Variants in RFX8 observed in about 807,000 individuals in gnomAD.
RFX8 encodes regulatory factor X8.
Under a neutral mutation model 54.6 loss-of-function variants are expected in RFX8, and 46 were observed. The ratio of observed to expected loss-of-function variants is 0.84; its 90% CI spans 0.67 to 1.08. RFX8 has a LOEUF of 1.08. Among genes scored for constraint, RFX8 ranks in the 50% least tolerant of loss-of-function variants. The pLI is 0.00. For synonymous variants in RFX8, 192 were observed against 209.5 expected (o/e 0.92, Z 0.72); for missense variants, 536 against 562.3 (o/e 0.95, Z 0.47).
chr2:101,445,165 C>T (rs1273901976), intron 2 of RFX8, among the ~76,000 whole-genome samples: 1 of 152,172 alleles, frequency 6.6e-6, no homozygotes, highest in Non-Finnish European at 1.5e-5. Context: ...CCTCTGTGTT[C>T]AGGTTCCTCT....
intron 1 of RFX8, among the ~76,000 whole-genome samples, chr2:101,470,290 C>A (rs1257574170): frequency 6.6e-6 from 1 of 152,168 alleles, no homozygotes. Flanking sequence ...TGTCTACCAT[C>A]AAAATCTGGA....
In RFX8 at chr2:101,399,723, A is replaced by G. The variant is rs545225396; in HGVS notation, c.1246-1999T>C. ...TTAAACCTCATAATGTTCCTGTAGA[A>G]TTAGACATGAGTATCCCCATAAGTT... On this transcript the variant is annotated intron_variant, in intron 11 of 11. Transcript: ENST00000428343. 3.3e-5 allele frequency among the ~76,000 whole-genome samples: 5 copies of G among 152,326 alleles called. 1 individual carries two copies. Among genetic ancestry groups the G allele is most frequent in the African/African-American group, 9.6e-5 (4 of 41,570 alleles).
intron 4 of RFX8, 147 bp from the exon 5 acceptor site, chr2:101,419,111 A>C (rs1325365120): frequency 1.7e-6 from 1 of 599,404 alleles, no homozygotes; most frequent in African/African-American, 1.9e-5. Flanking sequence ...AGCTTTTCCA[A>C]GCTGTATTTT....
chr2:101,466,287 A>C (rs549840975), intron 2 of RFX8, among the ~76,000 whole-genome samples: 10 of 148,282 alleles, frequency 6.7e-5, no homozygotes, highest in Non-Finnish European at 1.5e-5. Context: ...AGCCTGGGCA[A>C]CAAGAGGGAA....
chr2:101,402,861 C>T (rs1450963762), intron 10 of RFX8, 109 bp from the exon 11 acceptor site: 5 of 992,296 alleles, frequency 5.0e-6, no homozygotes, highest in East Asian at 2.6e-5. Context: ...ACGTGAGCCT[C>T]GTTCCAATAG....
chr2:101,406,852 G>T (rs1164574033), intron 9 of RFX8, among the ~76,000 whole-genome samples: 1 of 152,148 alleles, frequency 6.6e-6, no homozygotes, highest in African/African-American at 2.4e-5. Context: ...AAAGCTGGTC[G>T]TCATGCTTGC....
chr2:101,410,993 A>T (rs1390276692), intron 8 of RFX8, among the ~76,000 whole-genome samples: 1 of 152,224 alleles, frequency 6.6e-6, no homozygotes, highest in East Asian at 1.9e-4. Context: ...CCTTGCAATT[A>T]TCCAGACCTT....
At position 101,425,664 on chromosome 2, in the gene RFX8, C is replaced by T. The variant is rs1573402175; in HGVS notation, c.73-3192G>A. Among the ~76,000 whole-genome samples, 5 of 152,274 alleles carry T rather than the reference C, an allele frequency of 3.3e-5. 1 individual carries two copies. The highest frequency in any genetic ancestry group is 3.3e-4 in the Admixed American group (5 of 15,298). On this transcript the variant is annotated intron_variant, in intron 2 of 11. Transcript: ENST00000428343. ...TCCCTGAGGTCTCTTCCTCCATAGA[C>T]ATTACTTATAGGCATAAACCTTTCA... is the stretch of plus-strand genomic sequence containing the variant.
intron 4 of RFX8, among the ~76,000 whole-genome samples, 200 bp from the exon 5 acceptor site, chr2:101,419,164 T>C (rs1189404732): frequency 6.6e-6 from 1 of 152,114 alleles, no homozygotes; most frequent in East Asian, 1.9e-4. Context: ...CACCTGCCAG[T>C]TGGATGGGAT....
intron 1 of RFX8, 147 bp from the exon 2 acceptor site, chr2:101,467,047 C>A: frequency 1.6e-6 from 1 of 618,372 alleles, no homozygotes; most frequent in Non-Finnish European, 2.9e-6. Flanking sequence ...CGAAGGCTCA[C>A]AACTGGCATC....
intron 2 of RFX8, among the ~76,000 whole-genome samples, chr2:101,429,575 G>A (rs1421695646): frequency 6.6e-6 from 1 of 152,046 alleles, no homozygotes; most frequent in African/African-American, 2.4e-5. Context: ...ATGGGCATTC[G>A]AGAAGCTGTG....
intron 1 of RFX8, among the ~76,000 whole-genome samples, chr2:101,473,011 T>G (rs1690095922): frequency 6.6e-6 from 1 of 151,270 alleles, no homozygotes; most frequent in East Asian, 1.9e-4. Context: ...AGAGCAAGAC[T>G]CTGTCACAAA....
At chr2:101,468,569 C>T (rs1293240863) in intron 1 of RFX8, among the ~76,000 whole-genome samples, 1 of 152,098 alleles carries the variant, frequency 6.6e-6, no homozygotes, top group Non-Finnish European at 1.5e-5. Context: ...GGATTACAGG[C>T]ATGAGTCACC....
At chr2:101,447,592 T>C (rs1313386638) in intron 2 of RFX8, among the ~76,000 whole-genome samples, 4 of 152,244 alleles carry the variant, frequency 2.6e-5, no homozygotes, top group Non-Finnish European at 5.9e-5. Flanking sequence ...TAAACACTTA[T>C]TATTTCTTTG....
intron 10 of RFX8, among the ~76,000 whole-genome samples, chr2:101,403,525 G>A (rs185652473): frequency 2.1e-4 from 32 of 152,258 alleles, no homozygotes; most frequent in Non-Finnish European, 3.7e-4. Flanking sequence ...AGCGGCTCAC[G>A]CCTGTAATCC....
chr2:101,452,608 GA>G (rs1688745786), intron 2 of RFX8, among the ~76,000 whole-genome samples: 2 of 152,034 alleles, frequency 1.3e-5, no homozygotes, highest in Non-Finnish European at 2.9e-5. Context: ...TAACAATAAA[GA>G]AAATAAATGT....
Position 101,412,902 on chromosome 2 carries a change from G to A in RFX8, c.718+13C>T. ...CAACACGCCAATAAAGCAAGCTGCA[G>A]AAGGAAGATTACATTTCATCTCTGG... On this transcript the variant is annotated intron_variant, in intron 8 of 11. Coordinates refer to ENST00000428343, the MANE Select transcript of RFX8 (RefSeq NM_001145664.2). 6.5e-6 allele frequency: 10 copies of A among 1,545,194 alleles called. No homozygotes were observed. Among genetic ancestry groups the A allele is most frequent in the Non-Finnish European group, 8.7e-6 (10 of 1,144,026 alleles).
chr2:101,397,864 CTTT>C, intron 11 of RFX8, 140 bp from the exon 12 acceptor site: 6 of 540,578 alleles, frequency 1.1e-5, no homozygotes, highest in Admixed American at 4.1e-5. Flanking sequence ...GCATTTATTC[CTTT>C]TTTTTTTTGA....
chr2:101,444,765 T>C (rs1269059075), intron 2 of RFX8, among the ~76,000 whole-genome samples: 1 of 152,234 alleles, frequency 6.6e-6, no homozygotes, highest in Non-Finnish European at 1.5e-5. Flanking sequence ...TCATGCAGAC[T>C]TGATAAAATA....
Sources: gnomAD v4.1 joint callset for allele counts (sites outside exome capture counted in the v4.1 genomes callset) on GRCh38, gnomAD v4.1.1 for gene constraint, MANE v1.5 for transcripts, NCBI Gene and HGNC (gene_info 2026-07-23, HGNC 2026-07-21) for gene names.